CACNA1C: variants seen among roughly 807,000 people sequenced by gnomAD.
The protein encoded by CACNA1C is calcium voltage-gated channel subunit alpha1 C.
In CACNA1C, 30 loss-of-function variants were observed where a neutral mutation model predicts 229.0. That is an observed-to-expected ratio of 0.13 (90% CI 0.10 to 0.18). The LOEUF is 0.18. CACNA1C is among the 10% of genes least tolerant of loss of function. The pLI is 1.00. For missense variants in CACNA1C, 1,658 were observed against 2,845.0 expected, an observed-to-expected ratio of 0.58 and a Z score of 9.49; for synonymous variants, 1,114 against 1,132.5, an observed-to-expected ratio of 0.98 and a Z score of 0.33.
In CACNA1C at chr12:2,512,830, G is replaced by A; in HGVS notation, c.1236G>A (p.Arg412=). 6.2e-7 allele frequency: 1 copy of A among 1,612,696 alleles called. No homozygotes were observed. The highest frequency in any genetic ancestry group is 1.1e-5 in the South Asian group (1 of 90,618). ...TCACCAGAGAGTTTTCCAAAGAGAG[G>A]GAGAAGGCCAAGGCCCGGGGAGATT... ...GVLSGEFSKE[R]EKAKARGDFQ... is the part of the protein sequence containing the mutation. Residue 412 remains arginine, a synonymous_variant, in exon 9 of 47, where the codon AGG becomes AGA. Transcript: ENST00000399655. The surrounding 1 kb of genome is among the most constrained non-coding windows in gnomAD (Gnocchi z 4.3).
chr12:2,374,364 G>A (rs2097964552), intron 3 of CACNA1C, among the ~76,000 whole-genome samples: 1 of 152,198 alleles, frequency 6.6e-6, no homozygotes, highest in Admixed American at 6.5e-5. Context: ...GGTGTTATTT[G>A]TGGCTCCCAT....
chr12:2,245,154 G>C (rs935666384), intron 3 of CACNA1C, among the ~76,000 whole-genome samples: 3 of 152,212 alleles, frequency 2.0e-5, no homozygotes, highest in African/African-American at 7.2e-5. Flanking sequence ...AAAGGGAATT[G>C]TATTATTCTT....
intron 3 of CACNA1C, among the ~76,000 whole-genome samples, chr12:2,385,015 G>A (rs189308813): frequency 3.9e-5 from 6 of 152,322 alleles, no homozygotes; most frequent in Non-Finnish European, 8.8e-5. Flanking sequence ...AGATGAGAGC[G>A]AAGTAAGCAT....
chr12:2,363,633 A>G (rs2097638243), intron 3 of CACNA1C, among the ~76,000 whole-genome samples: 1 of 150,844 alleles, frequency 6.6e-6, no homozygotes, highest in Non-Finnish European at 1.5e-5. Flanking sequence ...TGTTTTCTAG[A>G]GCTTTTTTCT....
At chr12:2,361,576 G>A (rs1220573469) in intron 3 of CACNA1C, among the ~76,000 whole-genome samples, 2 of 152,152 alleles carry the variant, frequency 1.3e-5, no homozygotes, top group Middle Eastern at 3.4e-3. Context: ...AGCCACTTTG[G>A]ACCATAAGAT....
chr12:1,981,526 A>G (rs556157655), intron 1 of CACNA1C, among the ~76,000 whole-genome samples: 10 of 152,350 alleles, frequency 6.6e-5, no homozygotes, highest in African/African-American at 2.4e-4. Flanking sequence ...ACAACTAGTA[A>G]TTGCCTTTAT....
At chr12:2,409,956 G>A (rs967102511) in intron 3 of CACNA1C, among the ~76,000 whole-genome samples, 1 of 152,230 alleles carries the variant, frequency 6.6e-6, no homozygotes, top group African/African-American at 2.4e-5. Context: ...GCACAAGGGA[G>A]AACTAGTGGA....
intron 5 of CACNA1C, among the ~76,000 whole-genome samples, chr12:2,472,624 A>G (rs1283147274): frequency 6.6e-6 from 1 of 152,114 alleles, no homozygotes; most frequent in Non-Finnish European, 1.5e-5. Flanking sequence ...CTCTCTACAC[A>G]CCCACATATA....
In CACNA1C at chr12:2,034,606, G is replaced by C. The variant is rs1377075520; in HGVS notation, c.139+63405G>C. 6.6e-6 allele frequency among the ~76,000 whole-genome samples: 1 copy of C among 152,172 alleles called. No individual in the cohort carries two copies. The highest frequency in any genetic ancestry group is 1.9e-4 in the East Asian group (1 of 5,194). On this transcript the variant is annotated intron_variant, in intron 1 of 46. Transcript: ENST00000682462. The surrounding 1 kb of genome is among the most constrained non-coding windows in gnomAD (Gnocchi z 4.1). ...ACTTCCCCAGCACACAGCTCAAAGA[G>C]AAGGCCAGTGTAATATGCTGGTTCA...
At chr12:2,263,709 A>G (rs933194528) in intron 3 of CACNA1C, among the ~76,000 whole-genome samples, 3 of 152,002 alleles carry the variant, frequency 2.0e-5, no homozygotes, top group East Asian at 1.9e-4. Context: ...TGAGGTATGA[A>G]CAAAGGAAGA....
rs1351181425 is a variant in CACNA1C, at chr12:2,504,388, G to A, written c.1114-454G>A. The A allele has an allele frequency of 6.3e-6, 7 of 1,113,326 alleles. No homozygotes were observed. The Admixed American group carries it at 1.0e-4, about 16-fold the overall frequency. 69.0% of individuals were successfully genotyped at this position (1,113,326 alleles called of 1,614,324 possible). On this transcript the variant is annotated intron_variant, in intron 7 of 46. Coordinates refer to ENST00000399655, the MANE Select transcript of CACNA1C (RefSeq NM_000719.7). This position sits in a 1 kb window ranked among gnomAD's most constrained non-coding sequence, Gnocchi z 6.8. ...CACACCTGCTGCCTGCCTCTTTGCT[G>A]TAACCCAATTCTGCTTCTTCTTTCC...
In CACNA1C at chr12:2,689,607, A is replaced by G. The variant is rs1231350890; in HGVS notation, c.6117+828A>G. Among the ~76,000 whole-genome samples, 1 of 152,038 alleles carries G rather than the reference A, an allele frequency of 6.6e-6. No homozygotes were observed. Among genetic ancestry groups the G allele is most frequent in the Admixed American group, 6.5e-5 (1 of 15,272 alleles). On this transcript the variant is annotated intron_variant, in intron 46 of 46. Transcript: ENST00000399655. This position sits in a 1 kb window ranked among gnomAD's most constrained non-coding sequence, Gnocchi z 4.2. ...CCCCCATCATCAGACATAGCCAAGC[A>G]GAGACTGTGCTCATCCGGGCGTCAG... is the stretch of plus-strand genomic sequence containing the variant.
intron 3 of CACNA1C, among the ~76,000 whole-genome samples, chr12:2,185,376 T>A (rs575969826): frequency 6.6e-6 from 1 of 152,290 alleles, no homozygotes. Flanking sequence ...AGCCCACCTG[T>A]CTCTTGGCTG....
rs2060730371 is a variant in CACNA1C, at chr12:2,582,140, A to AT, written c.2103+344dup. On this transcript the variant is annotated intron_variant, in intron 14 of 46. Transcript: ENST00000399655. ...GTGACGGAGCAAGACTCCGTCTCAAATAAAAAAAAAAAAAATCGTTCTTAT... is the reference window on the plus strand; with the variant it reads ...GTGACGGAGCAAGACTCCGTCTCAAATTAAAAAAAAAAAAAATCGTTCTTAT... Among the ~76,000 whole-genome samples, 4 of 150,406 alleles carry AT rather than the reference A, an allele frequency of 2.7e-5. 1 individual carries two copies. The highest frequency in any genetic ancestry group is 6.6e-5 in the Admixed American group (1 of 15,038).
rs149196935 is a variant in CACNA1C, at chr12:2,349,521, T to A, written c.478-99455T>A. Among the ~76,000 whole-genome samples the A allele has an allele frequency of 3.5e-3, 529 of 152,284 alleles. 3 individuals are homozygous for A. Among genetic ancestry groups the A allele is most frequent in the Non-Finnish European group, 6.0e-3 (407 of 68,026 alleles). ...GGGCATTTTGAGTAGGGGCGCAGCA[T>A]GCAAAGCAGAGAAGAGCTCCCACGT... On this transcript the variant is annotated intron_variant, in intron 3 of 46. Transcript: ENST00000399655.
At chr12:2,149,129 T>C (rs1158616621) in intron 3 of CACNA1C, among the ~76,000 whole-genome samples, 2 of 152,190 alleles carry the variant, frequency 1.3e-5, no homozygotes, top group Non-Finnish European at 2.9e-5. Context: ...TGGAATTAAC[T>C]AATAGACTGA....
At chr12:2,021,668 G>C (rs1249442756) in intron 1 of CACNA1C, among the ~76,000 whole-genome samples, 1 of 151,716 alleles carries the variant, frequency 6.6e-6, no homozygotes, top group East Asian at 1.9e-4. Flanking sequence ...CAACAAGAGA[G>C]AAACTCCATC....
chr12:2,690,417 G>A (rs768138471), intron 46 of CACNA1C, among the ~76,000 whole-genome samples: 4 of 152,168 alleles, frequency 2.6e-5, no homozygotes, highest in East Asian at 1.9e-4. Context: ...GCAGCCTGGC[G>A]CTGCTGGGGT....
At chr12:2,684,631 C>T (rs1248366177) in intron 43 of CACNA1C, among the ~76,000 whole-genome samples, 2 of 152,202 alleles carry the variant, frequency 1.3e-5, no homozygotes, top group African/African-American at 2.4e-5. Flanking sequence ...TCTCACTACC[C>T]CCAGAGTGGT....
Sources: allele counts gnomAD v4.1 joint callset (sites outside exome capture counted in the v4.1 genomes callset), GRCh38; gene constraint gnomAD v4.1.1; non-coding constraint Gnocchi (gnomAD v3.1); transcripts MANE v1.5; gene names NCBI Gene and HGNC (gene_info 2026-07-23, HGNC 2026-07-21).